Variants in DNASE1 observed in about 807,000 individuals in gnomAD.
The protein encoded by DNASE1 is deoxyribonuclease-1.
DNASE1 carries 40 observed loss-of-function variants against 33.9 expected under a neutral mutation model. The observed-to-expected ratio is 1.18, with a 90% confidence interval of 0.92 to 1.54. The LOEUF (loss-of-function observed/expected upper bound fraction) is 1.54, where lower values mean the gene tolerates loss of function less well. DNASE1 is among the 40% of genes most tolerant of loss of function. The probability of loss-of-function intolerance (pLI) is 0.00; values close to 1 mark genes in which losing one functional copy is unlikely to be tolerated. For synonymous variants in DNASE1, 216 were observed against 160.0 expected (o/e 1.35, Z -2.64); for missense variants, 518 against 372.6 (o/e 1.39, Z -3.21).
At chr16:3,618,534 A>G (rs1256135362) in intron 1 of DNASE1, among the ~76,000 whole-genome samples, 1 of 152,244 alleles carries the variant, frequency 6.6e-6, no homozygotes, top group Non-Finnish European at 1.5e-5. Flanking sequence ...GTTTGAGACC[A>G]GCTTGGCCAA....
intron 1 of DNASE1, among the ~76,000 whole-genome samples, chr16:3,632,866 G>C (rs1405496264): frequency 1.3e-5 from 2 of 152,160 alleles, no homozygotes; most frequent in African/African-American, 2.4e-5. Flanking sequence ...TATTACAGGA[G>C]TGAGCAACTG....
intron 1 of DNASE1, among the ~76,000 whole-genome samples, chr16:3,634,617 C>G (rs2041812669): frequency 6.6e-6 from 1 of 152,082 alleles, no homozygotes; most frequent in Non-Finnish European, 1.5e-5. Flanking sequence ...TCAAATGATC[C>G]TCCTGCTTCA....
At chr16:3,615,444 A>G (rs955048616) in intron 1 of DNASE1, among the ~76,000 whole-genome samples, 3 of 152,150 alleles carry the variant, frequency 2.0e-5, no homozygotes, top group African/African-American at 4.8e-5. Flanking sequence ...GTCACCCAGT[A>G]TGACTAAGTT....
downstream of DNASE1, chr16:3,659,720 T>C (rs1018561545): frequency 1.3e-5 from 2 of 151,682 alleles, no homozygotes; most frequent in African/African-American, 2.4e-5. Flanking sequence ...TTCCATTTCC[T>C]AACTGCATCC....
At chr16:3,658,306 T>C (rs1402813672), downstream of DNASE1, 11 of 1,221,540 alleles carry the variant, frequency 9.0e-6, no homozygotes, top group South Asian at 3.9e-5. Flanking sequence ...AGACAGAGTC[T>C]CACTGTTGCC....
chr16:3,658,197 C>G (rs1421990518), downstream of DNASE1: 2 of 1,613,998 alleles, frequency 1.2e-6, no homozygotes, highest in Non-Finnish European at 1.7e-6. Flanking sequence ...GGGTCGTCAA[C>G]AAGTCCAGCA....
At chr16:3,664,480 C>T (rs749557962) in exon 10 of DNASE1, 60 of 1,597,236 alleles carry the variant, frequency 3.8e-5, no homozygotes, top group Non-Finnish European at 4.7e-5. Context: ...CGGGGCAGGT[C>T]ACCACTTATT....
At chr16:3,630,649 C>T (rs1029556371) in intron 1 of DNASE1, among the ~76,000 whole-genome samples, 1 of 151,528 alleles carries the variant, frequency 6.6e-6, no homozygotes, top group African/African-American at 2.4e-5. Context: ...TAATAGAGCC[C>T]TGCTCTCTTT....
At chr16:3,623,645 G>A (rs1165686039) in intron 1 of DNASE1, among the ~76,000 whole-genome samples, 1 of 152,102 alleles carries the variant, frequency 6.6e-6, no homozygotes, top group African/African-American at 2.4e-5. Flanking sequence ...ATTAGTAAGT[G>A]AGCAAAGGCT....
intron 1 of DNASE1, among the ~76,000 whole-genome samples, chr16:3,617,326 CA>C (rs56670885): frequency 1.2e-3 from 69 of 57,698 alleles, no homozygotes; most frequent in African/African-American, 1.7e-3. Context: ...AACTCCATCT[CA>C]AAAAAAAAAA....
At chr16:3,660,225 A>C (rs1169514824), downstream of DNASE1, 1 of 152,304 alleles carries the variant, frequency 6.6e-6, no homozygotes, top group East Asian at 1.9e-4. Context: ...TAATCTCTGC[A>C]GAAATACAAA....
At chr16:3,616,296 T>C (rs1321329229) in intron 1 of DNASE1, among the ~76,000 whole-genome samples, 5 of 152,174 alleles carry the variant, frequency 3.3e-5, no homozygotes, top group Non-Finnish European at 7.3e-5. Flanking sequence ...TTTTAATTTT[T>C]TTGCAGAAGT....
chr16:3,630,647 C>T (rs1337193306), intron 1 of DNASE1, among the ~76,000 whole-genome samples: 1 of 151,624 alleles, frequency 6.6e-6, no homozygotes, highest in African/African-American at 2.4e-5. Context: ...AGTAATAGAG[C>T]CCTGCTCTCT....
chr16:3,656,246 G>A (rs1159861336), intron 4 of DNASE1, 61 bp downstream of exon 4: 45 of 1,544,662 alleles, frequency 2.9e-5, no homozygotes, highest in Non-Finnish European at 3.8e-5. Flanking sequence ...AACAGAGCAG[G>A]GAAGTAGTTT....
intron 1 of DNASE1, among the ~76,000 whole-genome samples, chr16:3,637,159 A>G (rs2041893720): frequency 6.6e-6 from 1 of 152,118 alleles, no homozygotes; most frequent in Non-Finnish European, 1.5e-5. Context: ...TAACTGAGGA[A>G]AATCAGCCTT....
intron 1 of DNASE1, among the ~76,000 whole-genome samples, chr16:3,617,195 G>C (rs928722080): frequency 6.6e-6 from 1 of 151,492 alleles, no homozygotes; most frequent in African/African-American, 2.4e-5. Flanking sequence ...GCGTGGTGGT[G>C]TGCGCCCGTA....
rs146249371 is a variant in DNASE1, at chr16:3,657,332, C to G, written c.695C>G (p.Ala232Gly). The change falls in exon 7 of 9, where the codon GCC becomes GGC. Residue 232 changes from alanine (A) to glycine (G), a missense_variant. Physicochemically the swap from Ala to Gly is moderately conservative, Grantham distance 60. Transcript: ENST00000246949. The stretch of plus-strand genomic sequence containing the variant: ...ACCACAGCTACACCCACGCACTGTG[C>G]CTATGACAGGTGAGCAGGGCCTCGC... ...ADTTATPTHC[A>G]YDRIVVAGML... 3.7e-5 allele frequency: 59 copies of G among 1,613,120 alleles called. No individual in the cohort carries two copies. The African/African-American group carries it at 7.6e-4, about 21-fold the overall frequency.
chr16:3,634,219 G>GGTTTTTTT (rs1419488526), intron 1 of DNASE1, among the ~76,000 whole-genome samples: 1 of 150,590 alleles, frequency 6.6e-6, no homozygotes, highest in Admixed American at 6.6e-5. Context: ...GTCGAGACAG[G>GGTTTTTTT]GTTTTTTTGT....
At position 3,617,326 on chromosome 16, in the gene DNASE1, C is replaced by CAAAAA. The variant is rs56670885; in HGVS notation, c.-1359+5343_-1359+5347dup. The stretch of plus-strand genomic sequence containing the variant: ...AGTCAACAAGAGCGAAACTCCATCT[C>CAAAAA]AAAAAAAAAAAAAAAAAAAAAAAAA... On this transcript the variant is annotated intron_variant and NMD_transcript_variant, in intron 1 of 11. Transcript: ENST00000570769. Among the ~76,000 whole-genome samples, 162 of 57,700 alleles carry CAAAAA rather than the reference C, an allele frequency of 2.8e-3. 12 individuals are homozygous for CAAAAA. Among genetic ancestry groups the CAAAAA allele is most frequent in the African/African-American group, 5.7e-3 (74 of 12,916 alleles). 37.9% of individuals were successfully genotyped at this position (57,700 alleles called of 152,430 possible).
Sources: gnomAD v4.1 joint callset for allele counts (sites outside exome capture counted in the v4.1 genomes callset) on GRCh38, gnomAD v4.1.1 for gene constraint, MANE v1.5 for transcripts, NCBI Gene and HGNC (gene_info 2026-07-23, HGNC 2026-07-21) for gene names.